The following BRWD1 variants were observed in gnomAD, a reference collection of about 807,000 sequenced individuals.
BRWD1 encodes the protein bromodomain and WD repeat domain containing 1.
Under a neutral mutation model 251.2 loss-of-function variants are expected in BRWD1, and 82 were observed. The ratio of observed to expected loss-of-function variants is 0.33; its 90% CI spans 0.27 to 0.39. BRWD1 has a LOEUF of 0.39. Among genes scored for constraint, BRWD1 ranks in the 10% least tolerant of loss-of-function variants. The pLI, the probability that BRWD1 is intolerant of heterozygous loss-of-function variation, is 1.00. For synonymous variants in BRWD1, 918 were observed against 902.8 expected (o/e 1.02, Z -0.30); for missense variants, 2,233 against 2,711.6 (o/e 0.82, Z 3.92).
In BRWD1 at chr21:39,269,917, C is replaced by T; in HGVS notation, c.1512G>A (p.Met504Ile). Reference protein sequence around the residue: ...FIWDITKGTKMKHYFNMIEGQ... With the variant: ...FIWDITKGTKIKHYFNMIEGQ... Reference sequence around the variant, plus strand: ...CACTTACCATATTAAAATAATGTTTCATCTTGGTACCTTTTGTAATATCCC... The same window carrying T: ...CACTTACCATATTAAAATAATGTTTTATCTTGGTACCTTTTGTAATATCCC... Residue 504 changes from methionine to isoleucine, a missense_variant, in exon 15 of 41, where the codon ATG becomes ATA. By Grantham distance (10) the Met-to-Ile change is conservative. Around this residue, in one of 12 missense-constraint regions of BRWD1, gnomAD observed 315 missense variants for 421.8 expected, o/e 0.75. Transcript: ENST00000342449. 2.0e-6 allele frequency: 3 copies of T among 1,530,142 alleles called. No homozygotes were observed. The highest frequency in any genetic ancestry group is 2.6e-6 in the Non-Finnish European group (3 of 1,136,402). The allele number at this position is 1,530,142 out of a possible 1,614,324, so 94.8% of individuals were successfully genotyped here. A position where few individuals can be genotyped will look rare whatever the true frequency, so the allele number is the denominator to read the frequency against.
At chr21:39,257,838 G>A (rs1293245848) in intron 18 of BRWD1, among the ~76,000 whole-genome samples, 3 of 152,062 alleles carry the variant, frequency 2.0e-5, no homozygotes, top group African/African-American at 7.2e-5. Flanking sequence ...GCAAAAGCAA[G>A]TATAGTAATA....
chr21:39,227,362 A>G (rs1416491862), intron 27 of BRWD1, among the ~76,000 whole-genome samples: 1 of 21,232 alleles, frequency 4.7e-5, no homozygotes, highest in Non-Finnish European at 8.5e-5. Flanking sequence ...CTGAACATAT[A>G]TTTGTACACC....
chr21:39,310,731 G>C (rs571657661), intron 4 of BRWD1, among the ~76,000 whole-genome samples: 3 of 152,202 alleles, frequency 2.0e-5, no homozygotes, highest in Middle Eastern at 3.4e-3. Context: ...GCTCACCTAG[G>C]CTGGAGCACA....
chr21:39,314,323 A>G (rs1190573680), upstream of BRWD1: 1 of 455,920 alleles, frequency 2.2e-6, no homozygotes, highest in African/African-American at 2.0e-5. Context: ...GCCCGGCAGA[A>G]AATTACATAA....
chr21:39,307,764 C>T (rs1474425406), intron 4 of BRWD1, among the ~76,000 whole-genome samples: 1 of 152,198 alleles, frequency 6.6e-6, no homozygotes. Context: ...TTTTGTATTT[C>T]CCACAAGTCT....
intron 17 of BRWD1, 35 bp downstream of exon 17, chr21:39,264,424 AC>A (rs199628970): frequency 0.094 from 110,844 of 1,182,498 alleles, 2,143 homozygotes; most frequent in Admixed American, 0.11. Context: ...TTCAAGTACA[AC>A]TTTAAAAAAA....
intron 21 of BRWD1, among the ~76,000 whole-genome samples, chr21:39,244,921 AATATAT>A (rs56801824): frequency 0.29 from 33,104 of 112,538 alleles, 5,463 homozygotes; most frequent in Middle Eastern, 0.39. Context: ...CTTTGGAAGA[AATATAT>A]ATATATATAT....
rs771790355 is a variant in BRWD1, at chr21:39,236,663, A to G, written c.2698T>C (p.Ser900Pro). 72 of 1,613,752 alleles carry G rather than the reference A, an allele frequency of 4.5e-5. 1 individual carries two copies. In the Middle Eastern group the frequency reaches 6.6e-4, roughly 15 times the overall value. ...RFCSSSEDEI[S>P]TENLSPPKRR... ...TTTGGAGGAGATAAATTCTCAGTAG[A>G]TATTTCATCTTCTGAACTACTACAA... The change falls in exon 23 of 41, where the codon TCT (serine) becomes CCT (proline). Residue 900 changes from serine (S) to proline (P), a missense_variant. Coordinates refer to ENST00000342449, the MANE Select transcript of BRWD1 (RefSeq NM_033656.4).
intron 4 of BRWD1, among the ~76,000 whole-genome samples, chr21:39,304,186 ACT>A (rs1238353804): frequency 7.3e-5 from 11 of 151,536 alleles, no homozygotes; most frequent in Admixed American, 6.6e-5. Context: ...TAAGTAGAAT[ACT>A]TTTTACCTTT....
At chr21:39,263,208 C>A (rs2034812130) in intron 17 of BRWD1, among the ~76,000 whole-genome samples, 1 of 152,182 alleles carries the variant, frequency 6.6e-6, no homozygotes, top group Admixed American at 6.5e-5. Flanking sequence ...TTTGAAATAG[C>A]AACCATATAG....
At chr21:39,300,753 T>TA (rs2036088636) in intron 4 of BRWD1, among the ~76,000 whole-genome samples, 1 of 152,190 alleles carries the variant, frequency 6.6e-6, no homozygotes, top group South Asian at 2.1e-4. Flanking sequence ...AAATGGTCAA[T>TA]AGAAGCAGAC....
At position 39,209,675 on chromosome 21, in the gene BRWD1, T is replaced by C. The variant is rs1047429306; in HGVS notation, c.4197+320A>G. 93 of 177,844 alleles carry C rather than the reference T, an allele frequency of 5.2e-4. 1 individual carries two copies. In the Admixed American group the frequency reaches 5.5e-3, roughly 11 times the overall value. The allele number at this position is 177,844 out of a possible 1,614,324, so 11.0% of individuals were successfully genotyped here. On this transcript the variant is annotated intron_variant, in intron 36 of 40. Coordinates refer to ENST00000342449, the MANE Select transcript of BRWD1 (RefSeq NM_033656.4). ...GTTTCCAATCCACTTAAGATCCTTA[T>C]ACATACAAAACACAGAGACTCTTAC...
At chr21:39,216,677 G>A in intron 31 of BRWD1, 1 of 413,916 alleles carries the variant, frequency 2.4e-6, no homozygotes, top group East Asian at 7.0e-5. Flanking sequence ...AATTTCTTGG[G>A]ACCTACAATA....
At chr21:39,303,504 G>C (rs2036185749) in intron 4 of BRWD1, among the ~76,000 whole-genome samples, 1 of 127,580 alleles carries the variant, frequency 7.8e-6, no homozygotes, top group African/African-American at 3.1e-5. Context: ...GGGCAACAGA[G>C]CGAGACTCCA....
intron 9 of BRWD1, 99 bp from the exon 10 acceptor site, chr21:39,278,912 T>C: frequency 1.0e-6 from 1 of 972,982 alleles, no homozygotes; most frequent in South Asian, 2.4e-5. Flanking sequence ...ATATTATAAT[T>C]TTTTAAGAGA....
intron 13 of BRWD1, 65 bp downstream of exon 13, chr21:39,274,308 AG>A: frequency 1.6e-6 from 1 of 632,806 alleles, no homozygotes. Flanking sequence ...AGAGAGCGAG[AG>A]AGAGAGAGAG....
At chr21:39,251,089 T>A (rs1406729104) in intron 19 of BRWD1, among the ~76,000 whole-genome samples, 200 bp from the exon 20 acceptor site, 1 of 152,180 alleles carries the variant, frequency 6.6e-6, no homozygotes, top group African/African-American at 2.4e-5. Context: ...ATTTTTCATA[T>A]CAGAGGCAAA....
intron 27 of BRWD1, among the ~76,000 whole-genome samples, chr21:39,228,178 C>T (rs936081665): frequency 2.0e-5 from 3 of 152,074 alleles, no homozygotes; most frequent in Non-Finnish European, 4.4e-5. Flanking sequence ...ATCCTAGCTA[C>T]TCAGGAGGCT....
In BRWD1 at chr21:39,251,927, A is replaced by C. The variant is rs952142853; in HGVS notation, c.2256-1038T>G. ...CAATTTTACTCCTAATGAGATGGTC[A>C]GCTAAGAAAAGTGGTATTAGCAAAG... is the stretch of plus-strand genomic sequence containing the variant. On this transcript the variant is annotated intron_variant, in intron 19 of 40. Transcript: ENST00000342449. 5.3e-5 allele frequency among the ~76,000 whole-genome samples: 8 copies of C among 152,186 alleles called. No individual in the cohort carries two copies. In the East Asian group the frequency reaches 5.8e-4, roughly 11 times the overall value.
Sources: allele counts gnomAD v4.1 joint callset (sites outside exome capture counted in the v4.1 genomes callset), GRCh38; gene constraint gnomAD v4.1.1; regional missense constraint gnomAD v4.1.1; transcripts MANE v1.5; gene names NCBI Gene and HGNC (gene_info 2026-07-23, HGNC 2026-07-21).